LRRFIP1: variants seen among roughly 807,000 people sequenced by gnomAD.
LRRFIP1 encodes the protein leucine-rich repeat flightless-interacting protein 1.
In LRRFIP1, 62 loss-of-function variants were observed where a neutral mutation model predicts 104.4. The ratio of observed to expected loss-of-function variants is 0.59; its 90% CI spans 0.48 to 0.73. The LOEUF is 0.73. LRRFIP1 is among the 30% of genes least tolerant of loss of function. The pLI, the probability that LRRFIP1 is intolerant of heterozygous loss-of-function variation, is 0.00. For missense variants in LRRFIP1, 796 were observed against 824.5 expected, an observed-to-expected ratio of 0.97 and a Z score of 0.42; for synonymous variants, 300 against 299.0, an observed-to-expected ratio of 1.00 and a Z score of -0.03.
intron 2 of LRRFIP1, among the ~76,000 whole-genome samples, chr2:237,712,503 A>T (rs897804151): frequency 6.6e-6 from 1 of 152,232 alleles, no homozygotes; most frequent in Non-Finnish European, 1.5e-5. Flanking sequence ...AACATAAAAT[A>T]TACAATTTTC....
intron 1 of LRRFIP1, among the ~76,000 whole-genome samples, chr2:237,635,827 G>T (rs1455022081): frequency 6.6e-6 from 1 of 152,000 alleles, no homozygotes; most frequent in Non-Finnish European, 1.5e-5. Flanking sequence ...GAGTGGGTGT[G>T]GTGGCTCATA....
intron 1 of LRRFIP1, among the ~76,000 whole-genome samples, chr2:237,653,797 C>T (rs1449973716): frequency 3.9e-5 from 6 of 152,108 alleles, no homozygotes; most frequent in Non-Finnish European, 8.8e-5. Context: ...GGAAAACTGT[C>T]CACCTGCAGA....
chr2:237,692,652 G>T, intron 1 of LRRFIP1: 2 of 1,236,278 alleles, frequency 1.6e-6, no homozygotes, highest in Non-Finnish European at 2.1e-6. Flanking sequence ...CGGGACCCCA[G>T]CGCGGTGGGA....
At chr2:237,729,129 G>C (rs1183280140) in intron 8 of LRRFIP1, among the ~76,000 whole-genome samples, 1 of 152,150 alleles carries the variant, frequency 6.6e-6, no homozygotes, top group African/African-American at 2.4e-5. Flanking sequence ...GTTTCACCCT[G>C]CTGGCCAGGC....
At chr2:237,705,479 C>T (rs183289386) in intron 1 of LRRFIP1, among the ~76,000 whole-genome samples, 23 of 151,954 alleles carry the variant, frequency 1.5e-4, no homozygotes, top group Admixed American at 9.8e-4. Context: ...CTGGGCAACA[C>T]GGCAAAACCC....
chr2:237,642,221 C>T (rs968543717), intron 1 of LRRFIP1, among the ~76,000 whole-genome samples: 1 of 152,208 alleles, frequency 6.6e-6, no homozygotes, highest in Non-Finnish European at 1.5e-5. Context: ...GGCCAAGGAC[C>T]GCGTGTGTGC....
At chr2:237,747,397 G>A (rs373821892) in intron 11 of LRRFIP1, among the ~76,000 whole-genome samples, 2 of 152,140 alleles carry the variant, frequency 1.3e-5, no homozygotes, top group African/African-American at 2.4e-5. Flanking sequence ...GCGTGGACTC[G>A]GGCCATAGAT....
In LRRFIP1 at chr2:237,717,776, G is replaced by A; in HGVS notation, c.216G>A (p.Leu72=). The A allele has an allele frequency of 1.2e-6, 2 of 1,612,802 alleles. No individual in the cohort carries two copies. The highest frequency in any genetic ancestry group is 1.7e-6 in the Non-Finnish European group (2 of 1,178,806). The change falls in exon 4 of 24, where the codon CTG becomes CTA. Residue 72 remains leucine (L), a synonymous_variant. Transcript: ENST00000308482. The surrounding 1 kb of genome is among the most constrained non-coding windows in gnomAD (Gnocchi z 4.2). The part of the protein sequence containing the change: ...IYQVQKKYYG[L]DTKWGDIEQW... ...TCTGTCTATAGAAATATTATGGGCT[G>A]GATACAAAATGGGGTGACATCGAGC...
rs2083995789 is a variant in LRRFIP1, at chr2:237,641,638, T to C, written c.96+13898T>C. ...ATATCTTTTCCAATTTTTCCCTATA[T>C]AGAACATGATAGTTAATAAATTATA... On this transcript the variant is annotated intron_variant, in intron 1 of 23. Transcript: ENST00000308482. 3.3e-5 allele frequency among the ~76,000 whole-genome samples: 5 copies of C among 152,326 alleles called. No individual in the cohort carries two copies. In the South Asian group the frequency reaches 6.2e-4, roughly 19 times the overall value.
chr2:237,731,208 A>G (rs1248512032), intron 8 of LRRFIP1, among the ~76,000 whole-genome samples: 1 of 152,124 alleles, frequency 6.6e-6, no homozygotes, highest in Non-Finnish European at 1.5e-5. Flanking sequence ...TGTATCATTG[A>G]CCTCATTAAA....
intron 1 of LRRFIP1, among the ~76,000 whole-genome samples, chr2:237,704,694 G>C (rs898582703): frequency 6.6e-6 from 1 of 152,198 alleles, no homozygotes; most frequent in Non-Finnish European, 1.5e-5. Flanking sequence ...AGGATCGTAA[G>C]GGGGGTAGAT....
At chr2:237,712,621 G>A (rs186178251) in intron 2 of LRRFIP1, among the ~76,000 whole-genome samples, 3 of 152,338 alleles carry the variant, frequency 2.0e-5, no homozygotes, top group East Asian at 3.9e-4. Flanking sequence ...GTGTGCGCAC[G>A]CATTCGTGTG....
chr2:237,668,552 A>T (rs34752802), intron 1 of LRRFIP1, among the ~76,000 whole-genome samples: 1,648 of 152,070 alleles, frequency 0.011, 32 homozygotes, highest in African/African-American at 0.038. Context: ...CCTCTCTCCC[A>T]TGGGGGTCTT....
chr2:237,732,694 C>T (rs2095062877), intron 8 of LRRFIP1, among the ~76,000 whole-genome samples: 1 of 152,202 alleles, frequency 6.6e-6, no homozygotes, highest in Admixed American at 6.5e-5. Context: ...AAAAATTGGT[C>T]TCTTGGGTCT....
intron 1 of LRRFIP1, among the ~76,000 whole-genome samples, chr2:237,694,579 C>T (rs781551496): frequency 6.6e-6 from 1 of 152,184 alleles, no homozygotes. Context: ...AGTTCTTGCT[C>T]TGCATTGTGT....
At chr2:237,776,107 C>T (rs2061073101) in intron 23 of LRRFIP1, among the ~76,000 whole-genome samples, 1 of 152,032 alleles carries the variant, frequency 6.6e-6, no homozygotes, top group Non-Finnish European at 1.5e-5. Context: ...AATACAGGCA[C>T]CCACCATCAT....
intron 22 of LRRFIP1, 92 bp downstream of exon 22, chr2:237,773,037 G>A (rs751353494): frequency 3.2e-5 from 32 of 987,204 alleles, no homozygotes; most frequent in Admixed American, 2.5e-4. Flanking sequence ...AGAAAAAGCC[G>A]AGATTTTTAG....
chr2:237,638,278 C>G (rs1348535267), intron 1 of LRRFIP1, among the ~76,000 whole-genome samples: 1 of 152,184 alleles, frequency 6.6e-6, no homozygotes, highest in Non-Finnish European at 1.5e-5. Flanking sequence ...AGCGCACAAC[C>G]TAGATCCCTC....
chr2:237,637,119 G>A (rs1478670920), intron 1 of LRRFIP1, among the ~76,000 whole-genome samples: 1 of 152,184 alleles, frequency 6.6e-6, no homozygotes, highest in Non-Finnish European at 1.5e-5. Context: ...TGTCAAATTA[G>A]CTGAGCAAAT....
Sources: allele counts gnomAD v4.1 joint callset (sites outside exome capture counted in the v4.1 genomes callset), GRCh38; gene constraint gnomAD v4.1.1; non-coding constraint Gnocchi (gnomAD v3.1); transcripts MANE v1.5; gene names NCBI Gene and HGNC (gene_info 2026-07-23, HGNC 2026-07-21).